Variants in NDST4 observed in about 807,000 individuals in gnomAD.
NDST4 encodes N-heparan sulfate sulfotransferase 4.
Under a neutral mutation model 100.8 loss-of-function variants are expected in NDST4, and 63 were observed. That is an observed-to-expected ratio of 0.62 (90% CI 0.51 to 0.77). The LOEUF (loss-of-function observed/expected upper bound fraction) is 0.77. Ranked by LOEUF, NDST4 falls within the 30% of genes least tolerant of loss-of-function variation. The pLI is 0.00. For synonymous variants in NDST4, 377 were observed against 361.8 expected, an observed-to-expected ratio of 1.04 and a Z score of -0.48; for missense variants, 943 against 1,018.4, an observed-to-expected ratio of 0.93 and a Z score of 1.01.
At chr4:114,943,525 T>C (rs1725797007) in intron 4 of NDST4, among the ~76,000 whole-genome samples, 1 of 152,190 alleles carries the variant, frequency 6.6e-6, no homozygotes, top group South Asian at 2.1e-4. Context: ...GGCCTTATAG[T>C]CTTACATGAA....
At chr4:114,875,822 C>T (rs1395497869) in intron 6 of NDST4, among the ~76,000 whole-genome samples, 1 of 152,136 alleles carries the variant, frequency 6.6e-6, no homozygotes, top group African/African-American at 2.4e-5. Flanking sequence ...AGAGTGTTTT[C>T]ACTGCCAAGT....
chr4:114,917,863 G>A (rs1578387680), intron 6 of NDST4, among the ~76,000 whole-genome samples: 1 of 152,256 alleles, frequency 6.6e-6, no homozygotes, highest in South Asian at 2.1e-4. Context: ...TGGTTGATGG[G>A]AGGCTCAAGT....
intron 6 of NDST4, among the ~76,000 whole-genome samples, chr4:114,885,140 G>A (rs1397278598): frequency 6.6e-6 from 1 of 151,982 alleles, no homozygotes; most frequent in Non-Finnish European, 1.5e-5. Context: ...GTCAAAATCT[G>A]ATCTGCATGC....
At chr4:114,832,157 A>C (rs1723214496) in intron 12 of NDST4, among the ~76,000 whole-genome samples, 1 of 152,214 alleles carries the variant, frequency 6.6e-6, no homozygotes, top group East Asian at 1.9e-4. Context: ...GCAGGAAAAG[A>C]AAGCCAACAT....
chr4:115,020,844 A>G (rs1463617079), intron 2 of NDST4, among the ~76,000 whole-genome samples: 1 of 152,134 alleles, frequency 6.6e-6, no homozygotes, highest in East Asian at 1.9e-4. Context: ...GGGAAATGCA[A>G]ATCAAAACCA....
chr4:115,112,079 A>T (rs1472167003), intron 1 of NDST4, among the ~76,000 whole-genome samples: 2 of 148,476 alleles, frequency 1.3e-5, no homozygotes, highest in Non-Finnish European at 3.0e-5. Flanking sequence ...CTTGCTACTC[A>T]CACACACACA....
At chr4:114,998,300 A>G (rs1333857077) in intron 2 of NDST4, among the ~76,000 whole-genome samples, 1 of 152,104 alleles carries the variant, frequency 6.6e-6, no homozygotes, top group Non-Finnish European at 1.5e-5. Flanking sequence ...TCTGGAGATT[A>G]GCTTTTTTCT....
At chr4:115,028,989 G>A (rs185522911) in intron 2 of NDST4, among the ~76,000 whole-genome samples, 5 of 152,084 alleles carry the variant, frequency 3.3e-5, no homozygotes, top group Non-Finnish European at 7.4e-5. Flanking sequence ...AAACTAAGGT[G>A]ACAAGGAGGG....
chr4:115,040,816 G>C (rs1034280081), intron 2 of NDST4, among the ~76,000 whole-genome samples: 1 of 151,798 alleles, frequency 6.6e-6, no homozygotes, highest in African/African-American at 2.4e-5. Context: ...ATCAATAATA[G>C]AATACAACGT....
intron 2 of NDST4, among the ~76,000 whole-genome samples, chr4:115,054,521 CAAG>C (rs1728652099): frequency 6.6e-6 from 1 of 152,018 alleles, no homozygotes; most frequent in African/African-American, 2.4e-5. Context: ...TATGTTAAAT[CAAG>C]AAGAAATATT....
intron 1 of NDST4, among the ~76,000 whole-genome samples, chr4:115,090,730 C>T (rs1729500495): frequency 6.6e-6 from 1 of 151,990 alleles, no homozygotes; most frequent in South Asian, 2.1e-4. Flanking sequence ...CCAACAGCAC[C>T]TGTTCTCCAT....
chr4:115,038,477 A>C (rs1421325375), intron 2 of NDST4, among the ~76,000 whole-genome samples: 7 of 152,148 alleles, frequency 4.6e-5, no homozygotes, highest in Non-Finnish European at 1.0e-4. Context: ...TAAACAGCCT[A>C]AGTCTGAGAA....
At chr4:114,874,954 T>C (rs1034404082) in intron 6 of NDST4, among the ~76,000 whole-genome samples, 1 of 152,164 alleles carries the variant, frequency 6.6e-6, no homozygotes, top group African/African-American at 2.4e-5. Flanking sequence ...ATGACAGTAC[T>C]ACATGGATAA....
Position 114,845,817 on chromosome 4 carries a change from C to A in NDST4, c.2115+6G>T, listed in dbSNP as rs749226214. ...TGCTTTTAGCCGATTTTTTTACTGA[C>A]CATACCTGGTACCAAGAGTATGCCC... On this transcript the variant is annotated splice_donor_region_variant and intron_variant, in intron 10 of 13. Coordinates refer to ENST00000264363, the MANE Select transcript of NDST4 (RefSeq NM_022569.3). 4.4e-6 allele frequency: 7 copies of A among 1,605,940 alleles called. No individual in the cohort carries two copies. The highest frequency in any genetic ancestry group is 6.0e-6 in the Non-Finnish European group (7 of 1,174,566).
At chr4:114,977,418 A>G (rs540980415) in intron 2 of NDST4, 144 bp from the exon 3 acceptor site, 190 of 468,554 alleles carry the variant, frequency 4.1e-4, no homozygotes, top group Non-Finnish European at 5.1e-4. Flanking sequence ...TAGTATTCGT[A>G]TTTCAGGTAT....
chr4:114,959,089 T>C (rs1267298899), intron 4 of NDST4, among the ~76,000 whole-genome samples: 3 of 152,300 alleles, frequency 2.0e-5, no homozygotes, highest in Non-Finnish European at 4.4e-5. Context: ...TATTACAGTT[T>C]GTAACATGTT....
intron 6 of NDST4, among the ~76,000 whole-genome samples, chr4:114,928,414 G>A (rs143453806): frequency 4.6e-4 from 70 of 152,290 alleles, no homozygotes; most frequent in African/African-American, 1.7e-3. Context: ...CTCTATTTAT[G>A]AGAAGACACT....
At chr4:114,828,180 T>A (rs1384822908) in intron 13 of NDST4, among the ~76,000 whole-genome samples, 1 of 152,130 alleles carries the variant, frequency 6.6e-6, no homozygotes, top group Non-Finnish European at 1.5e-5. Context: ...CGGCACATAT[T>A]TATTGTGGGA....
intron 6 of NDST4, among the ~76,000 whole-genome samples, chr4:114,915,629 T>A (rs1725151845): frequency 6.6e-6 from 1 of 152,200 alleles, no homozygotes; most frequent in Admixed American, 6.5e-5. Context: ...ATGTAAATCC[T>A]GTGTGCTTTT....
Sources: allele counts gnomAD v4.1 joint callset (sites outside exome capture counted in the v4.1 genomes callset), GRCh38; gene constraint gnomAD v4.1.1; transcripts MANE v1.5; gene names NCBI Gene and HGNC (gene_info 2026-07-23, HGNC 2026-07-21).